The following PCDH17 variants were observed in gnomAD, a reference collection of about 807,000 sequenced individuals.
The protein encoded by PCDH17 is protocadherin-17.
Under a neutral mutation model 67.7 loss-of-function variants are expected in PCDH17, and 21 were observed. The ratio of observed to expected loss-of-function variants is 0.31; its 90% CI spans 0.22 to 0.45. PCDH17 has a LOEUF of 0.45. PCDH17 is among the 20% of genes least tolerant of loss of function. The pLI, the probability that PCDH17 is intolerant of heterozygous loss-of-function variation, is 1.00. For synonymous variants in PCDH17, 701 were observed against 656.7 expected (o/e 1.07, Z -1.03); for missense variants, 1,471 against 1,564.8 (o/e 0.94, Z 1.01).
intron 3 of PCDH17, among the ~76,000 whole-genome samples, chr13:57,702,796 T>C (rs758645460): frequency 3.7e-4 from 57 of 152,180 alleles, no homozygotes; most frequent in Non-Finnish European, 6.8e-4. Flanking sequence ...AACACTGTCC[T>C]GCTCTTATTG....
At chr13:57,702,235 C>A (rs1048045100) in intron 3 of PCDH17, among the ~76,000 whole-genome samples, 4 of 151,750 alleles carry the variant, frequency 2.6e-5, no homozygotes, top group South Asian at 4.2e-4. Context: ...TTTTTGGTAC[C>A]AAAACGTAGC....
Position 57,725,502 on chromosome 13 carries a change from C to T in PCDH17, c.*208C>T. The T allele has an allele frequency of 2.0e-6, 1 of 507,452 alleles. No individual in the cohort carries two copies. Among genetic ancestry groups the T allele is most frequent in the South Asian group, 3.4e-5 (1 of 29,452 alleles). 31.4% of individuals were successfully genotyped at this position (507,452 alleles called of 1,614,324 possible). A position where few individuals can be genotyped will look rare whatever the true frequency, so the allele number is the denominator to read the frequency against. ...TAACAATGGTTTCGTTTTGACCAAA[C>T]TTGTATTAGGACAGAATTAATGATG... On this transcript the variant is annotated 3_prime_UTR_variant, in exon 4 of 4. Transcript: ENST00000377918.
chr13:57,697,218 A>C (rs9537780), intron 3 of PCDH17, among the ~76,000 whole-genome samples: 2 of 151,346 alleles, frequency 1.3e-5, no homozygotes, highest in African/African-American at 4.8e-5. Flanking sequence ...TTCTGATCTC[A>C]TATGGCTAGA....
intron 3 of PCDH17, among the ~76,000 whole-genome samples, chr13:57,702,197 G>C (rs938107156): frequency 6.6e-6 from 1 of 152,040 alleles, no homozygotes; most frequent in African/African-American, 2.4e-5. Flanking sequence ...GAATACAGGC[G>C]TGAGCCACCA....
chr13:57,727,322 C>G lies in PCDH17; in HGVS notation c.*2028C>G, dbSNP rs954582355. 2.0e-5 allele frequency: 3 copies of G among 152,538 alleles called. No individual in the cohort carries two copies. The highest frequency in any genetic ancestry group is 7.2e-5 in the African/African-American group (3 of 41,422). 9.4% of individuals were successfully genotyped at this position (152,538 alleles called of 1,614,324 possible). A position where few individuals can be genotyped will look rare whatever the true frequency, so the allele number is the denominator to read the frequency against. On this transcript the variant is annotated 3_prime_UTR_variant, in exon 4 of 4. Coordinates refer to ENST00000377918, the MANE Select transcript of PCDH17 (RefSeq NM_001040429.3). ...GGTGGATAATTTTGTGCCTTCTCTT[C>G]TGGCCACCAAGCCAGTGTAGAAACA...
At chr13:57,689,797 G>A (rs949150366) in intron 3 of PCDH17, among the ~76,000 whole-genome samples, 1 of 151,776 alleles carries the variant, frequency 6.6e-6, no homozygotes, top group African/African-American at 2.4e-5. Context: ...CAGAACTGTG[G>A]TTGAAGAATT....
chr13:57,711,213 C>A lies in PCDH17; in HGVS notation c.2798-13399C>A, dbSNP rs148309607. Among the ~76,000 whole-genome samples, 1,429 of 152,000 alleles carry A rather than the reference C, an allele frequency of 9.4e-3. 25 individuals are homozygous for A. The highest frequency in any genetic ancestry group is 0.032 in the African/African-American group (1,334 of 41,496). Reference sequence around the variant, plus strand: ...TTCCTCAATATATTTCTGCCTTGATCTCACATCCATTTCCTGCTCAAATGT... The same window carrying A: ...TTCCTCAATATATTTCTGCCTTGATATCACATCCATTTCCTGCTCAAATGT... On this transcript the variant is annotated intron_variant, in intron 3 of 3. Coordinates refer to ENST00000377918, the MANE Select transcript of PCDH17 (RefSeq NM_001040429.3).
At chr13:57,698,536 A>G (rs1955633045) in intron 3 of PCDH17, among the ~76,000 whole-genome samples, 1 of 151,978 alleles carries the variant, frequency 6.6e-6, no homozygotes, top group Admixed American at 6.6e-5. Flanking sequence ...ATTCCTGCTC[A>G]TGTTACTGAA....
rs531235463 is a variant in PCDH17, at chr13:57,725,439, A to G, written c.*145A>G. 4.1e-5 allele frequency: 27 copies of G among 662,912 alleles called. No homozygotes were observed. The African/African-American group carries it at 4.5e-4, about 11-fold the overall frequency. 41.1% of individuals were successfully genotyped at this position (662,912 alleles called of 1,614,324 possible). ...TTTAGTGAACATCTGAAGTGCCCACAAGTATGTTCTTTCCACTGCTGATTT... is the reference window on the plus strand; with the variant it reads ...TTTAGTGAACATCTGAAGTGCCCACGAGTATGTTCTTTCCACTGCTGATTT... On this transcript the variant is annotated 3_prime_UTR_variant, in exon 4 of 4. Coordinates refer to ENST00000377918, the MANE Select transcript of PCDH17 (RefSeq NM_001040429.3).
chr13:57,662,648 G>A (rs1389400462), intron 1 of PCDH17, among the ~76,000 whole-genome samples: 1 of 152,082 alleles, frequency 6.6e-6, no homozygotes, highest in Non-Finnish European at 1.5e-5. Flanking sequence ...ACCTTTTTCA[G>A]ACAAGTTTTT....
intron 1 of PCDH17, among the ~76,000 whole-genome samples, chr13:57,643,277 G>A (rs1562381): frequency 0.6 from 90,898 of 151,174 alleles, 28,056 homozygotes; most frequent in South Asian, 0.75. Context: ...GAATGTTTGA[G>A]AAATAATATG....
chr13:57,656,854 T>C (rs1361341808), intron 1 of PCDH17, among the ~76,000 whole-genome samples: 1 of 152,148 alleles, frequency 6.6e-6, no homozygotes, highest in South Asian at 2.1e-4. Flanking sequence ...TAGCAGTCTT[T>C]AAGTATGTTT....
intron 3 of PCDH17, among the ~76,000 whole-genome samples, chr13:57,676,609 T>C (rs1311762695): frequency 6.6e-6 from 1 of 151,604 alleles, no homozygotes; most frequent in Admixed American, 6.6e-5. Flanking sequence ...GATAATAGGG[T>C]TCATAACAGA....
chr13:57,693,164 T>A (rs1955574569), intron 3 of PCDH17, among the ~76,000 whole-genome samples: 1 of 150,076 alleles, frequency 6.7e-6, no homozygotes, highest in South Asian at 2.1e-4. Flanking sequence ...ACCAAGAAAG[T>A]TAGTGCTCAT....
At chr13:57,660,266 T>G (rs1459150857) in intron 1 of PCDH17, among the ~76,000 whole-genome samples, 1 of 151,966 alleles carries the variant, frequency 6.6e-6, no homozygotes, top group African/African-American at 2.4e-5. Context: ...TTAAATAAAT[T>G]TGAGCTATGG....
intron 1 of PCDH17, among the ~76,000 whole-genome samples, chr13:57,657,611 C>A (rs1158356313): frequency 6.6e-6 from 1 of 152,130 alleles, no homozygotes; most frequent in African/African-American, 2.4e-5. Context: ...CTTAACACTC[C>A]CTTGTGTTCA....
rs780771505 is a variant in PCDH17 at position 57,634,578 on chromosome 13, A to C, written c.2032A>C (p.Lys678Gln). The change falls in exon 1 of 4, where the codon AAG becomes CAG. Residue 678 changes from lysine (K) to glutamine (Q), a missense_variant. Lys to Gln is a moderately conservative substitution (Grantham distance 53, BLOSUM62 1). Coordinates refer to ENST00000377918, the MANE Select transcript of PCDH17 (RefSeq NM_001040429.3). The surrounding 1 kb of genome is among the most constrained non-coding windows in gnomAD (Gnocchi z 7.8). ...CAAGCCTACCCTGTCCGCAGTGGCC[A>C]AGCTCATCATCCGCTCGGTGAGCGG... ...HGKPTLSAVA[K>Q]LIIRSVSGSL... is the part of the protein sequence containing the mutation. 4 of 1,613,334 alleles carry C rather than the reference A, an allele frequency of 2.5e-6. No individual in the cohort carries two copies. In the Admixed American group the frequency reaches 6.7e-5, roughly 27 times the overall value.
At chr13:57,652,933 G>C (rs1166611967) in intron 1 of PCDH17, among the ~76,000 whole-genome samples, 2 of 152,096 alleles carry the variant, frequency 1.3e-5, no homozygotes, top group African/African-American at 2.4e-5. Context: ...GGTCACTTTG[G>C]AGGAGAATTC....
At chr13:57,681,454 C>T (rs917812740) in intron 3 of PCDH17, among the ~76,000 whole-genome samples, 2 of 151,628 alleles carry the variant, frequency 1.3e-5, no homozygotes, top group South Asian at 2.1e-4. Context: ...GCATTTACTC[C>T]TGAGACTCAT....
Sources: gnomAD v4.1 joint callset for allele counts (sites outside exome capture counted in the v4.1 genomes callset) on GRCh38, gnomAD v4.1.1 for gene constraint, Gnocchi (gnomAD v3.1) non-coding constraint, MANE v1.5 for transcripts, NCBI Gene and HGNC (gene_info 2026-07-23, HGNC 2026-07-21) for gene names.